Variants in B3GALT1 observed in about 807,000 individuals in gnomAD.
B3GALT1 encodes UDP-Gal:betaGlcNAc beta 1,3-galactosyltransferase, polypeptide 1.
In B3GALT1, 10 loss-of-function variants were observed where a neutral mutation model predicts 23.2. The ratio of observed to expected loss-of-function variants is 0.43; its 90% CI spans 0.27 to 0.73. The LOEUF is 0.73. Among genes scored for constraint, B3GALT1 ranks in the 30% least tolerant of loss-of-function variants. B3GALT1 has a pLI of 0.21. For missense variants in B3GALT1, 299 were observed against 405.4 expected, an observed-to-expected ratio of 0.74 and a Z score of 2.25; for synonymous variants, 156 against 141.5, an observed-to-expected ratio of 1.10 and a Z score of -0.73.
intron 4 of B3GALT1, among the ~76,000 whole-genome samples, chr2:167,822,069 C>T (rs1025210567): frequency 6.6e-6 from 1 of 152,168 alleles, no homozygotes; most frequent in African/African-American, 2.4e-5. Context: ...GATCACCCAG[C>T]CAGTGAGTGG....
At chr2:167,330,516 G>T (rs1696956922) in intron 1 of B3GALT1, among the ~76,000 whole-genome samples, 1 of 152,118 alleles carries the variant, frequency 6.6e-6, no homozygotes, top group Admixed American at 6.5e-5. Context: ...TGGCTGAGGT[G>T]GGAGGATCAC....
At chr2:167,520,310 A>G (rs1013394360) in intron 2 of B3GALT1, among the ~76,000 whole-genome samples, 1 of 151,780 alleles carries the variant, frequency 6.6e-6, no homozygotes, top group African/African-American at 2.4e-5. Context: ...CCCTTTATAC[A>G]TTTTTTTAAG....
intron 1 of B3GALT1, among the ~76,000 whole-genome samples, chr2:167,434,962 A>T (rs947905225): frequency 3.9e-5 from 6 of 152,126 alleles, no homozygotes; most frequent in African/African-American, 9.6e-5. Flanking sequence ...AAGTTTTAAA[A>T]TTATAATGTA....
Position 167,872,260 on chromosome 2 carries a change from A to T in B3GALT1, c.*2240A>T, listed in dbSNP as rs1420421860. On this transcript the variant is annotated 3_prime_UTR_variant, in exon 5 of 5. Transcript: ENST00000392690. ...CCCCCCGTAGGAGTTGATAGCAAAC[A>T]GATAGACACAATGAATAAGTGGAAG... The T allele has an allele frequency of 6.6e-6, 1 of 152,082 alleles. No homozygotes were observed. Among genetic ancestry groups the T allele is most frequent in the Non-Finnish European group, 1.5e-5 (1 of 68,004 alleles). The allele number at this position is 152,082 out of a possible 1,614,324, so 9.4% of individuals were successfully genotyped here. A position where few individuals can be genotyped will look rare whatever the true frequency, so the allele number is the denominator to read the frequency against.
intron 1 of B3GALT1, among the ~76,000 whole-genome samples, chr2:167,474,796 T>A (rs941070391): frequency 5.9e-5 from 9 of 152,174 alleles, no homozygotes; most frequent in African/African-American, 1.7e-4. Flanking sequence ...ATGTGATTTT[T>A]GACCCAGATG....
chr2:167,640,183 GA>G (rs1343479275), intron 2 of B3GALT1, among the ~76,000 whole-genome samples: 1 of 151,498 alleles, frequency 6.6e-6, no homozygotes. Flanking sequence ...TTTTCCCTTA[GA>G]AAAAAAATTG....
chr2:167,326,092 T>C (rs1696888396), intron 1 of B3GALT1, among the ~76,000 whole-genome samples: 1 of 152,056 alleles, frequency 6.6e-6, no homozygotes. Context: ...TATCTGTTTT[T>C]TTTTTTCTGT....
At chr2:167,540,693 G>A (rs1018254553) in intron 2 of B3GALT1, among the ~76,000 whole-genome samples, 2 of 152,076 alleles carry the variant, frequency 1.3e-5, no homozygotes, top group Non-Finnish European at 1.5e-5. Flanking sequence ...AGACAAGCAT[G>A]CCTCACCTCA....
intron 3 of B3GALT1, among the ~76,000 whole-genome samples, chr2:167,663,325 G>C (rs1686105867): frequency 6.6e-6 from 1 of 151,932 alleles, no homozygotes; most frequent in African/African-American, 2.4e-5. Context: ...ATTCCATGGT[G>C]TATATGTGCC....
chr2:167,722,004 T>A (rs1687243988), intron 3 of B3GALT1, among the ~76,000 whole-genome samples: 3 of 152,238 alleles, frequency 2.0e-5, no homozygotes, highest in Non-Finnish European at 4.4e-5. Flanking sequence ...TTTATTTTTA[T>A]TGTTTCTTCA....
At chr2:167,621,926 C>T (rs1685267450) in intron 2 of B3GALT1, among the ~76,000 whole-genome samples, 1 of 152,102 alleles carries the variant, frequency 6.6e-6, no homozygotes, top group South Asian at 2.1e-4. Context: ...CCATGCAGAA[C>T]TAATTGAGAG....
intron 3 of B3GALT1, among the ~76,000 whole-genome samples, chr2:167,734,475 G>A (rs1687461241): frequency 6.6e-6 from 1 of 152,156 alleles, no homozygotes; most frequent in African/African-American, 2.4e-5. Flanking sequence ...GGAACACAGA[G>A]ATTACTCAGA....
intron 1 of B3GALT1, among the ~76,000 whole-genome samples, chr2:167,396,241 CAG>C (rs1205482434): frequency 6.6e-6 from 1 of 152,072 alleles, no homozygotes; most frequent in East Asian, 1.9e-4. Flanking sequence ...TGAATGGAAA[CAG>C]AGCTGATTAT....
Position 167,660,116 on chromosome 2 carries a change from G to A in B3GALT1, c.-352+13150G>A, listed in dbSNP as rs187351133. 2.0e-4 allele frequency among the ~76,000 whole-genome samples: 30 copies of A among 152,216 alleles called. No individual in the cohort carries two copies. The East Asian group carries it at 5.2e-3, about 27-fold the overall frequency. On this transcript the variant is annotated intron_variant, in intron 3 of 4. Transcript: ENST00000392690. Reference sequence around the variant, plus strand: ...TGACATTTCATAAACATATCAGGATGTTTTGGCAGGAAAATTTGAAGTTTA... The same window carrying A: ...TGACATTTCATAAACATATCAGGATATTTTGGCAGGAAAATTTGAAGTTTA...
intron 3 of B3GALT1, chr2:167,815,285 C>T (rs917373609): frequency 1.3e-5 from 2 of 152,172 alleles, no homozygotes; most frequent in South Asian, 4.1e-4. Flanking sequence ...AAATAGAGAG[C>T]GAAAGTCCTC....
At chr2:167,864,820 C>T (rs1336261514) in intron 4 of B3GALT1, among the ~76,000 whole-genome samples, 1 of 152,086 alleles carries the variant, frequency 6.6e-6, no homozygotes, top group Non-Finnish European at 1.5e-5. Context: ...AGGAATGAAA[C>T]TCTAAAATAT....
At chr2:167,677,579 C>G (rs1429621079) in intron 3 of B3GALT1, among the ~76,000 whole-genome samples, 1 of 152,170 alleles carries the variant, frequency 6.6e-6, no homozygotes, top group African/African-American at 2.4e-5. Flanking sequence ...CCCAGAACCC[C>G]TCAATCACTA....
intron 3 of B3GALT1, among the ~76,000 whole-genome samples, chr2:167,746,173 T>A (rs1687649001): frequency 6.6e-6 from 1 of 151,080 alleles, no homozygotes; most frequent in Non-Finnish European, 1.5e-5. Context: ...ATTATTGTTC[T>A]GTTGGTTGTG....
At chr2:167,734,333 A>C (rs1198843132) in intron 3 of B3GALT1, among the ~76,000 whole-genome samples, 1 of 152,056 alleles carries the variant, frequency 6.6e-6, no homozygotes, top group Non-Finnish European at 1.5e-5. Flanking sequence ...CTTTGATCTC[A>C]TTTCCCCCCA....
Sources: gnomAD v4.1 joint callset for allele counts (sites outside exome capture counted in the v4.1 genomes callset) on GRCh38, gnomAD v4.1.1 for gene constraint, MANE v1.5 for transcripts, NCBI Gene and HGNC (gene_info 2026-07-23, HGNC 2026-07-21) for gene names.